Variants in TAF8 observed in about 807,000 individuals in gnomAD.
TAF8 encodes the protein transcription initiation factor TFIID subunit 8.
A neutral mutation model predicts 36.5 loss-of-function variants in TAF8; 47 were observed. The observed-to-expected ratio is 1.29, with a 90% confidence interval of 1.02 to 1.64. The LOEUF is 1.64. Ranked by LOEUF, TAF8 falls within the 40% of genes most tolerant of loss-of-function variation. The probability of loss-of-function intolerance (pLI) is 0.00; values close to 1 mark genes in which losing one functional copy is unlikely to be tolerated. For missense variants in TAF8, 420 were observed against 407.6 expected (o/e 1.03, Z -0.26); for synonymous variants, 175 against 159.5 (o/e 1.10, Z -0.73).
In TAF8 at chr6:42,079,277, G is replaced by A. The variant is rs1054602290; in HGVS notation, c.*1732G>A. On this transcript the variant is annotated 3_prime_UTR_variant, in exon 9 of 9. Transcript: ENST00000372977. ...ATGGGCAGGAGTGAGCCAAGCTGAGGCGTTCTGCAAGAAGCAGGTCTGAGT... is the reference window on the plus strand; with the variant it reads ...ATGGGCAGGAGTGAGCCAAGCTGAGACGTTCTGCAAGAAGCAGGTCTGAGT... 1.0e-6 allele frequency: 1 copy of A among 985,446 alleles called. No homozygotes were observed. The highest frequency in any genetic ancestry group is 1.7e-5 in the African/African-American group (1 of 57,228). 61.0% of individuals were successfully genotyped at this position (985,446 alleles called of 1,614,324 possible).
intron 5 of TAF8, chr6:42,057,784 A>AG (rs904884461): frequency 2.0e-5 from 8 of 407,684 alleles, no homozygotes; most frequent in African/African-American, 1.7e-4. Context: ...AAGAAAAAAA[A>AG]AAGAATTCAG....
intron 6 of TAF8, among the ~76,000 whole-genome samples, chr6:42,068,116 A>T (rs981568362): frequency 2.6e-5 from 4 of 152,174 alleles, no homozygotes; most frequent in Non-Finnish European, 4.4e-5. Context: ...TGTTGCTAGG[A>T]TTCTATCTAT....
chr6:42,070,434 G>A (rs531391348), intron 7 of TAF8, among the ~76,000 whole-genome samples: 4 of 152,226 alleles, frequency 2.6e-5, no homozygotes, highest in Non-Finnish European at 5.9e-5. Context: ...GGAGCTTGGC[G>A]TGAGCCAAGA....
intron 7 of TAF8, among the ~76,000 whole-genome samples, chr6:42,069,335 G>C (rs1365661722): frequency 1.3e-5 from 2 of 152,092 alleles, no homozygotes; most frequent in Non-Finnish European, 2.9e-5. Context: ...GGCTATAGAG[G>C]GCAGGCAGAA....
chr6:42,075,497 T>C (rs1017369218), intron 7 of TAF8, among the ~76,000 whole-genome samples: 1 of 152,238 alleles, frequency 6.6e-6, no homozygotes, highest in Non-Finnish European at 1.5e-5. Flanking sequence ...AACCTGAGAC[T>C]GGTGTCCATG....
chr6:42,061,399 G>A (rs1345494473), intron 5 of TAF8, among the ~76,000 whole-genome samples: 3 of 152,110 alleles, frequency 2.0e-5, no homozygotes, highest in African/African-American at 4.8e-5. Flanking sequence ...CTATTCTAAT[G>A]TCACAATCTC....
At position 42,055,993 on chromosome 6, in the gene TAF8, CAG is replaced by C. The variant is rs754461698; in HGVS notation, c.346_347del (p.Arg116AspfsTer36). On this transcript the variant is annotated frameshift_variant, in exon 4 of 9. Transcript: ENST00000372977. LOFTEE classifies it high-confidence loss of function. Reference sequence around the variant, plus strand: ...TCTCCCTGCTTATGCAAAACGGTCTCAGAGGATGGTCATCACTGCTCGTAAGT... The same window carrying C: ...TCTCCCTGCTTATGCAAAACGGTCTCAGGATGGTCATCACTGCTCGTAAGT... ...DTLPAYAKRS[Q>X]RMVITAPPVT... 4.3e-6 allele frequency: 7 copies of C among 1,613,276 alleles called. No individual in the cohort carries two copies.
chr6:42,056,794 C>G (rs553190294), intron 4 of TAF8, among the ~76,000 whole-genome samples: 1 of 152,088 alleles, frequency 6.6e-6, no homozygotes, highest in Non-Finnish European at 1.5e-5. Flanking sequence ...TTAGTAGAGA[C>G]AGGGTTTTAC....
In TAF8 at chr6:42,078,121, C is replaced by A; in HGVS notation, c.*576C>A. 1.4e-6 allele frequency: 1 copy of A among 717,062 alleles called. No individual in the cohort carries two copies. Among genetic ancestry groups the A allele is most frequent in the Non-Finnish European group, 1.7e-6 (1 of 584,728 alleles). 44.4% of individuals were successfully genotyped at this position (717,062 alleles called of 1,614,324 possible). On this transcript the variant is annotated 3_prime_UTR_variant, in exon 9 of 9. Transcript: ENST00000372977. ...GGCCAGGCTGGTCTTGAACTCCTGA[C>A]CTCAAGTGATAACCCGCCTCGGCCT...
rs751931371 is a variant in TAF8, at chr6:42,051,516, G to C, written c.202+3G>C. ...GCTGACAGAGATGCTGCAGAGCTGT[G>C]AGTACATGGAAACACTTGGCCTTGG... On this transcript the variant is annotated splice_donor_region_variant and intron_variant, in intron 2 of 8. Coordinates refer to ENST00000372977, the MANE Select transcript of TAF8 (RefSeq NM_138572.3). 1.2e-6 allele frequency: 2 copies of C among 1,613,300 alleles called. No homozygotes were observed. The highest frequency in any genetic ancestry group is 1.3e-5 in the African/African-American group (1 of 74,910).
At chr6:42,075,367 A>G (rs1018933294) in intron 7 of TAF8, among the ~76,000 whole-genome samples, 1 of 152,132 alleles carries the variant, frequency 6.6e-6, no homozygotes, top group Non-Finnish European at 1.5e-5. Flanking sequence ...CTGGAGAGGG[A>G]AAACACACAG....
chr6:42,053,733 A>G (rs1764881512), intron 2 of TAF8, among the ~76,000 whole-genome samples: 1 of 152,242 alleles, frequency 6.6e-6, no homozygotes, highest in South Asian at 2.1e-4. Flanking sequence ...TAATTTTATT[A>G]TGAAAATAGT....
chr6:42,070,991 C>T (rs1308096090), intron 7 of TAF8, among the ~76,000 whole-genome samples: 4 of 152,170 alleles, frequency 2.6e-5, no homozygotes, highest in Admixed American at 6.5e-5. Flanking sequence ...TTCTGCTCAC[C>T]GGTGTGTCAT....
chr6:42,063,472 G>T (rs1765253293), intron 5 of TAF8: 1 of 152,112 alleles, frequency 6.6e-6, no homozygotes, highest in South Asian at 2.1e-4. Context: ...ATGTAACATT[G>T]TACAAAATAA....
chr6:42,075,235 C>T (rs1462129829), intron 7 of TAF8, among the ~76,000 whole-genome samples: 3 of 152,152 alleles, frequency 2.0e-5, no homozygotes, highest in Non-Finnish European at 4.4e-5. Context: ...TGGTTGTGGG[C>T]AGACCTTTTT....
intron 2 of TAF8, among the ~76,000 whole-genome samples, chr6:42,053,992 C>T (rs1764891952): frequency 6.6e-6 from 1 of 152,148 alleles, no homozygotes; most frequent in South Asian, 2.1e-4. Context: ...CTGTCAAGTA[C>T]CACTTGCTTT....
Position 42,051,522 on chromosome 6 carries a change from A to C in TAF8, c.202+9A>C. Reference sequence around the variant, plus strand: ...AGAGATGCTGCAGAGCTGTGAGTACATGGAAACACTTGGCCTTGGAGTCAA... The same window carrying C: ...AGAGATGCTGCAGAGCTGTGAGTACCTGGAAACACTTGGCCTTGGAGTCAA... On this transcript the variant is annotated intron_variant, in intron 2 of 8. Transcript: ENST00000372977. 4.3e-6 allele frequency: 7 copies of C among 1,613,024 alleles called. No individual in the cohort carries two copies. The highest frequency in any genetic ancestry group is 5.9e-6 in the Non-Finnish European group (7 of 1,179,336).
rs1483835570 is a variant in TAF8 at position 42,077,234 on chromosome 6, G to A, written c.915G>A (p.Arg305=). The change falls in exon 8 of 9, where the codon AGG becomes AGA. Residue 305 remains arginine (R), a synonymous_variant. Coordinates refer to ENST00000372977, the MANE Select transcript of TAF8 (RefSeq NM_138572.3). ...LRPVKKPKIR[R]KKSLS ...CGGTGAAGAAGCCCAAGATCCGCAG[G>A]AAGAAGTGAGTTGGAGGCTGGGGTC... The A allele has an allele frequency of 1.2e-6, 2 of 1,612,442 alleles. No individual in the cohort carries two copies. Among genetic ancestry groups the A allele is most frequent in the Non-Finnish European group, 8.5e-7 (1 of 1,178,788 alleles).
chr6:42,083,017 GATAAT>G lies in TAF8; in HGVS notation c.*5476_*5480del, dbSNP rs1312533833. On this transcript the variant is annotated 3_prime_UTR_variant, in exon 9 of 9. Transcript: ENST00000372977. ...TTAAACAGTTATTTAATTTTGAAGA[GATAAT>G]ATATGTATACAGTATAAAATTTAAA... 1 of 152,036 alleles carries G rather than the reference GATAAT, an allele frequency of 6.6e-6. No individual in the cohort carries two copies. 9.4% of individuals were successfully genotyped at this position (152,036 alleles called of 1,614,324 possible).
Sources: gnomAD v4.1 joint callset for allele counts (sites outside exome capture counted in the v4.1 genomes callset) on GRCh38, gnomAD v4.1.1 for gene constraint, MANE v1.5 for transcripts, NCBI Gene and HGNC (gene_info 2026-07-23, HGNC 2026-07-21) for gene names.